The following ZFYVE9 variants were observed in gnomAD, a reference collection of about 807,000 sequenced individuals.
The protein encoded by ZFYVE9 is zinc finger FYVE-type containing 9, also known as zinc finger FYVE domain-containing protein 9.
Under a neutral mutation model 126.7 loss-of-function variants are expected in ZFYVE9, and 43 were observed. The observed-to-expected ratio is 0.34, with a 90% CI of 0.27 to 0.44. The LOEUF (loss-of-function observed/expected upper bound fraction) is 0.44. ZFYVE9 is among the 20% of genes least tolerant of loss of function. The pLI, the probability that ZFYVE9 is intolerant of heterozygous loss-of-function variation, is 1.00. For missense variants in ZFYVE9, 1,476 were observed against 1,697.0 expected, an observed-to-expected ratio of 0.87 and a Z score of 2.29; for synonymous variants, 521 against 597.4, an observed-to-expected ratio of 0.87 and a Z score of 1.87.
Position 52,266,832 on chromosome 1 carries a change from G to A in ZFYVE9, c.2455+1G>A. On this transcript the variant is annotated splice_donor_variant, in intron 6 of 18. Coordinates refer to ENST00000287727, the MANE Select transcript of ZFYVE9 (RefSeq NM_004799.4). LOFTEE classifies it high-confidence loss of function. ...GTTTTAAAGCACCCTGGAGCAGAAG[G>A]TAGGGGATCATGTGCTATTCTCTCT... 6.3e-7 allele frequency: 1 copy of A among 1,591,916 alleles called. No individual in the cohort carries two copies. The highest frequency in any genetic ancestry group is 8.5e-7 in the Non-Finnish European group (1 of 1,170,956).
intron 13 of ZFYVE9, among the ~76,000 whole-genome samples, chr1:52,319,622 CAAAAA>C (rs199998342): frequency 7.0e-6 from 1 of 142,056 alleles, no homozygotes; most frequent in South Asian, 2.3e-4. Context: ...AACTCCATCT[CAAAAA>C]AAAAATAAAA....
At chr1:52,340,913 A>G (rs1395855989) in intron 17 of ZFYVE9, among the ~76,000 whole-genome samples, 2 of 131,470 alleles carry the variant, frequency 1.5e-5, no homozygotes, top group African/African-American at 8.3e-5. Context: ...TCAAAAAAAA[A>G]AAAAAAAAAA....
chr1:52,178,788 G>T (rs1287474535), intron 1 of ZFYVE9, among the ~76,000 whole-genome samples: 1 of 152,082 alleles, frequency 6.6e-6, no homozygotes, highest in Non-Finnish European at 1.5e-5. Flanking sequence ...AGAATGGATA[G>T]GAAGGGATGG....
At chr1:52,233,305 G>T in intron 3 of ZFYVE9, 29 bp downstream of exon 3, 3 of 1,531,612 alleles carry the variant, frequency 2.0e-6, no homozygotes, top group Non-Finnish European at 2.7e-6. Context: ...GAATCTGTTT[G>T]CCTATGTGGT....
chr1:52,338,309 G>C (rs1312005067), intron 16 of ZFYVE9, among the ~76,000 whole-genome samples: 1 of 152,260 alleles, frequency 6.6e-6, no homozygotes, highest in Non-Finnish European at 1.5e-5. Flanking sequence ...AGTACCAAAA[G>C]GCTAAGTGAC....
At chr1:52,213,170 ATTC>A (rs1278370825) in intron 1 of ZFYVE9, among the ~76,000 whole-genome samples, 4 of 152,142 alleles carry the variant, frequency 2.6e-5, no homozygotes, top group Non-Finnish European at 5.9e-5. Context: ...AGGTGATGGA[ATTC>A]TTCTTTTCAC....
intron 1 of ZFYVE9, among the ~76,000 whole-genome samples, chr1:52,185,598 T>G (rs1036056912): frequency 1.3e-5 from 2 of 152,172 alleles, no homozygotes; most frequent in Non-Finnish European, 2.9e-5. Flanking sequence ...TTTTAAATCC[T>G]TTGTTAAAAA....
At chr1:52,152,341 T>A (rs1329278879) in intron 1 of ZFYVE9, among the ~76,000 whole-genome samples, 1 of 152,146 alleles carries the variant, frequency 6.6e-6, no homozygotes, top group Non-Finnish European at 1.5e-5. Flanking sequence ...ACGTAGGCCT[T>A]AGTAATTAAT....
At chr1:52,184,524 G>C (rs1008311311) in intron 1 of ZFYVE9, among the ~76,000 whole-genome samples, 4 of 144,832 alleles carry the variant, frequency 2.8e-5, no homozygotes, top group African/African-American at 1.0e-4. Flanking sequence ...GGGATTACAG[G>C]TGTGAGCCAC....
At chr1:52,180,401 G>T in intron 1 of ZFYVE9, 1 of 1,507,284 alleles carries the variant, frequency 6.6e-7, no homozygotes. Flanking sequence ...GCATTAACCT[G>T]ACAAGAGATG....
intron 1 of ZFYVE9, among the ~76,000 whole-genome samples, chr1:52,213,996 A>G (rs1258429876): frequency 6.6e-6 from 1 of 152,184 alleles, no homozygotes; most frequent in African/African-American, 2.4e-5. Flanking sequence ...TAGCCAAGTA[A>G]CTTTCCCCTT....
chr1:52,150,666 C>G (rs1644348126), intron 1 of ZFYVE9, among the ~76,000 whole-genome samples: 1 of 150,848 alleles, frequency 6.6e-6, no homozygotes, highest in Admixed American at 6.6e-5. Flanking sequence ...ACTCAGGAGG[C>G]TGAGGCAGGA....
chr1:52,339,654 A>G (rs182220142), intron 16 of ZFYVE9, among the ~76,000 whole-genome samples: 7 of 152,318 alleles, frequency 4.6e-5, no homozygotes, highest in African/African-American at 1.7e-4. Flanking sequence ...TAATGGGAAT[A>G]TAAGCACATA....
chr1:52,176,932 T>C (rs1644637825), intron 1 of ZFYVE9, among the ~76,000 whole-genome samples: 1 of 152,140 alleles, frequency 6.6e-6, no homozygotes, highest in African/African-American at 2.4e-5. Flanking sequence ...ACTCCCTGAC[T>C]CCTTGCGCTT....
rs1645655418 is a variant in ZFYVE9 at position 52,268,526 on chromosome 1, T to C, written c.2519T>C (p.Val840Ala). ...FADGILPNGE[V>A]ADAAKLTMNG... ...GATGGGATCTTGCCCAATGGAGAAG[T>C]TGCTGATGCAGCCAAATTAACAATG... The change falls in exon 7 of 19, where the codon GTT (valine) becomes GCT (alanine). Residue 840 changes from valine to alanine, a missense_variant. By Grantham distance (64) the Val-to-Ala change is moderately conservative. Coordinates refer to ENST00000287727, the MANE Select transcript of ZFYVE9 (RefSeq NM_004799.4). 3 of 1,614,060 alleles carry C rather than the reference T, an allele frequency of 1.9e-6. No individual in the cohort carries two copies. The highest frequency in any genetic ancestry group is 1.3e-5 in the African/African-American group (1 of 74,940).
At chr1:52,207,044 T>A (rs1157534233) in intron 1 of ZFYVE9, among the ~76,000 whole-genome samples, 1 of 152,222 alleles carries the variant, frequency 6.6e-6, no homozygotes, top group Non-Finnish European at 1.5e-5. Flanking sequence ...CAAATGCTTA[T>A]CTCTTCTGGA....
intron 2 of ZFYVE9, among the ~76,000 whole-genome samples, chr1:52,218,857 C>G (rs1334349769): frequency 6.6e-6 from 1 of 152,022 alleles, no homozygotes; most frequent in Non-Finnish European, 1.5e-5. Flanking sequence ...TCAAAGATGC[C>G]TGTAGGGTCT....
At chr1:52,339,256 G>A (rs1052281523) in intron 16 of ZFYVE9, among the ~76,000 whole-genome samples, 6 of 151,990 alleles carry the variant, frequency 3.9e-5, no homozygotes, top group African/African-American at 1.5e-4. Context: ...GTTTACACTA[G>A]CACTGTCATA....
At chr1:52,202,923 T>G (rs1644937471) in intron 1 of ZFYVE9, among the ~76,000 whole-genome samples, 1 of 151,950 alleles carries the variant, frequency 6.6e-6, no homozygotes, top group South Asian at 2.1e-4. Flanking sequence ...TGACCTTAGG[T>G]GATCCCCCCA....
Sources: allele counts gnomAD v4.1 joint callset (sites outside exome capture counted in the v4.1 genomes callset), GRCh38; gene constraint gnomAD v4.1.1; transcripts MANE v1.5; gene names NCBI Gene and HGNC (gene_info 2026-07-23, HGNC 2026-07-21).